The following RASA1 variants were observed in gnomAD, a reference collection of about 807,000 sequenced individuals.
The protein encoded by RASA1 is RAS p21 protein activator 1.
Under a neutral mutation model 132.2 loss-of-function variants are expected in RASA1, and 25 were observed. The ratio of observed to expected loss-of-function variants is 0.19; its 90% CI spans 0.14 to 0.26. RASA1 has a LOEUF of 0.26. RASA1 is among the 10% of genes least tolerant of loss of function. The pLI, the probability that RASA1 is intolerant of heterozygous loss-of-function variation, is 1.00. For synonymous variants in RASA1, 477 were observed against 449.9 expected, an observed-to-expected ratio of 1.06 and a Z score of -0.76; for missense variants, 964 against 1,299.2, an observed-to-expected ratio of 0.74 and a Z score of 3.97.
intron 8 of RASA1, among the ~76,000 whole-genome samples, chr5:87,351,452 T>C (rs529770234): frequency 2.8e-4 from 43 of 151,852 alleles, no homozygotes; most frequent in African/African-American, 1.0e-3. Context: ...TGGCTAGACC[T>C]TGAGGAGACA....
chr5:87,268,585 C>G lies in RASA1; in HGVS notation c.134C>G (p.Ala45Gly). 1 of 1,609,682 alleles carries G rather than the reference C, an allele frequency of 6.2e-7. No homozygotes were observed. The highest frequency in any genetic ancestry group is 8.5e-7 in the Non-Finnish European group (1 of 1,178,678). The stretch of plus-strand genomic sequence containing the variant: ...AAGATACCCGCGGCCCTGCCTGTGG[C>G]AGCCGCCCCCTATCCTGGGCTGGTG... ...RVKIPAALPV[A>G]AAPYPGLVET... The change falls in exon 1 of 25, where the codon GCA becomes GGA. Residue 45 changes from alanine (A) to glycine (G), a missense_variant. Ala to Gly is a moderately conservative substitution (Grantham distance 60). Coordinates refer to ENST00000274376, the MANE Select transcript of RASA1 (RefSeq NM_002890.3).
intron 1 of RASA1, among the ~76,000 whole-genome samples, chr5:87,326,865 A>G (rs1280281479): frequency 6.6e-6 from 1 of 152,216 alleles, no homozygotes; most frequent in African/African-American, 2.4e-5. Context: ...TTAATGCCTT[A>G]GTAGAAAAAA....
Position 87,377,075 on chromosome 5 carries a change from C to A in RASA1, c.2344+35C>A, listed in dbSNP as rs369924885. Reference sequence around the variant, plus strand: ...GGCCATGTTAGTGTGATACAAGAAACTGGGTTTAGATTTTATATCAAGGAT... The same window carrying A: ...GGCCATGTTAGTGTGATACAAGAAAATGGGTTTAGATTTTATATCAAGGAT... On this transcript the variant is annotated intron_variant, in intron 17 of 24. Transcript: ENST00000274376. The A allele has an allele frequency of 2.3e-5, 37 of 1,590,262 alleles. No individual in the cohort carries two copies. The African/African-American group carries it at 4.6e-4, about 20-fold the overall frequency.
rs145638178 is a variant in RASA1 at position 87,374,132 on chromosome 5, A to AAT, written c.1777-16_1777-15dup. 2.1e-3 allele frequency: 2,533 copies of AAT among 1,210,332 alleles called. 13 individuals carry two copies. The African/African-American group carries it at 0.024, about 12-fold the overall frequency. 75.0% of individuals were successfully genotyped at this position (1,210,332 alleles called of 1,614,324 possible). A position where few individuals can be genotyped will look rare whatever the true frequency, so the allele number is the denominator to read the frequency against. On this transcript the variant is annotated intron_variant, in intron 13 of 24. Transcript: ENST00000274376. ...TAGTGCAATTCTAGAAATCTGGGGTAATATATATATATATATTTTTTTTTT... is the reference window on the plus strand; with the variant it reads ...TAGTGCAATTCTAGAAATCTGGGGTAATATATATATATATATATTTTTTTTTT...
chr5:87,372,166 C>T lies in RASA1; in HGVS notation c.1747C>T (p.Pro583Ser). 2 of 1,613,606 alleles carry T rather than the reference C, an allele frequency of 1.2e-6. No homozygotes were observed. Among genetic ancestry groups the T allele is most frequent in the Non-Finnish European group, 1.7e-6 (2 of 1,179,704 alleles). ...ATTTTGCAATTTACGGAAAAGTAGT[C>T]CAGGGACATCCAATAAACGCCTTCG... ...QAFCNLRKSS[P>S]GTSNKRLRQV... Residue 583 changes from proline (P) to serine (S), a missense_variant, in exon 13 of 25, where the codon CCA (proline) becomes TCA (serine). Around this residue, in one of 6 missense-constraint regions of RASA1, gnomAD observed 346 missense variants for 520.1 expected, o/e 0.67. Coordinates refer to ENST00000274376, the MANE Select transcript of RASA1 (RefSeq NM_002890.3).
intron 8 of RASA1, among the ~76,000 whole-genome samples, chr5:87,351,045 G>A (rs1413414235): frequency 1.3e-5 from 2 of 151,498 alleles, no homozygotes; most frequent in Non-Finnish European, 3.0e-5. Context: ...CAATAAATCT[G>A]TCGAACACAG....
chr5:87,357,566 G>A (rs1425449230), intron 9 of RASA1, among the ~76,000 whole-genome samples: 1 of 152,126 alleles, frequency 6.6e-6, no homozygotes, highest in Non-Finnish European at 1.5e-5. Context: ...TTAGCTGGGT[G>A]TGGTGACATG....
At position 87,389,429 on chromosome 5, in the gene RASA1, A is replaced by G; in HGVS notation, c.2962A>G (p.Arg988Gly). The G allele has an allele frequency of 6.2e-7, 1 of 1,614,190 alleles. No homozygotes were observed. Among genetic ancestry groups the G allele is most frequent in the Non-Finnish European group, 8.5e-7 (1 of 1,179,982 alleles). ...PELPDTTEHS[R>G]TDLSRDLAAL... ...ACTTCCGGACACTACAGAGCATTCT[A>G]GAACGGACCTGTCCCGTGATTTAGC... The change falls in exon 24 of 25, where the codon AGA becomes GGA. Residue 988 changes from arginine to glycine, a missense_variant. Arg to Gly is a moderately radical substitution (Grantham distance 125). Transcript: ENST00000274376.
At chr5:87,322,848 G>A (rs2112341134) in intron 1 of RASA1, among the ~76,000 whole-genome samples, 1 of 152,158 alleles carries the variant, frequency 6.6e-6, no homozygotes, top group East Asian at 1.9e-4. Context: ...AGGAATCAAA[G>A]TTGCTTTTGA....
rs886716535 is a variant in RASA1 at position 87,302,586 on chromosome 5, C to CTATAGTATACTATACTGTATAG, written c.540-28745_540-28724dup. Among the ~76,000 whole-genome samples the CTATAGTATACTATACTGTATAG allele has an allele frequency of 4.0e-5, 6 of 149,886 alleles. No individual in the cohort carries two copies. In the East Asian group the frequency reaches 9.7e-4, roughly 24 times the overall value. On this transcript the variant is annotated intron_variant, in intron 1 of 24. Coordinates refer to ENST00000274376, the MANE Select transcript of RASA1 (RefSeq NM_002890.3). ...CACATAAAGCATAGTATTCTATATA[C>CTATAGTATACTATACTGTATAG]TATAGTATACTATACTGTATAGTAT...
chr5:87,283,300 A>G (rs1754404399), intron 1 of RASA1, among the ~76,000 whole-genome samples: 1 of 151,902 alleles, frequency 6.6e-6, no homozygotes, highest in Non-Finnish European at 1.5e-5. Flanking sequence ...TAGCTGATTG[A>G]AAATTAAAAA....
intron 1 of RASA1, among the ~76,000 whole-genome samples, chr5:87,273,371 T>C (rs886219500): frequency 6.6e-6 from 1 of 152,216 alleles, no homozygotes; most frequent in African/African-American, 2.4e-5. Flanking sequence ...AAAGTTTCTA[T>C]ATCTAAAACT....
At chr5:87,374,990 TTAAAA>T (rs974000615) in intron 15 of RASA1, 74 bp downstream of exon 15, 102 of 1,518,522 alleles carry the variant, frequency 6.7e-5, no homozygotes, top group African/African-American at 1.7e-4. Context: ...AATGAAAGTC[TTAAAA>T]TAGAAATTAA....
At chr5:87,296,615 A>C (rs1755130435) in intron 1 of RASA1, among the ~76,000 whole-genome samples, 1 of 122,518 alleles carries the variant, frequency 8.2e-6, no homozygotes, top group Non-Finnish European at 1.8e-5. Flanking sequence ...TTCTCTCAAC[A>C]CTTTAGTTTA....
At chr5:87,306,104 A>G (rs1755596862) in intron 1 of RASA1, among the ~76,000 whole-genome samples, 1 of 152,210 alleles carries the variant, frequency 6.6e-6, no homozygotes, top group South Asian at 2.1e-4. Context: ...CAACCCATAA[A>G]TCTCATTAGT....
intron 4 of RASA1, 53 bp downstream of exon 4, chr5:87,333,390 A>C: frequency 6.2e-7 from 1 of 1,604,008 alleles, no homozygotes; most frequent in Non-Finnish European, 8.5e-7. Flanking sequence ...TAGACTTCGA[A>C]GATTTATTAC....
rs143050678 is a variant in RASA1, at chr5:87,315,632, T to C, written c.540-15716T>C. Among the ~76,000 whole-genome samples, 107 of 152,312 alleles carry C rather than the reference T, an allele frequency of 7.0e-4. 3 individuals are homozygous for C. The East Asian group carries it at 0.017, about 24-fold the overall frequency. The stretch of plus-strand genomic sequence containing the variant: ...AGACCCTCTCAACCTAGAGTAAATA[T>C]AGAATACTATTTAATAATCTCATAT... On this transcript the variant is annotated intron_variant, in intron 1 of 24. Coordinates refer to ENST00000274376, the MANE Select transcript of RASA1 (RefSeq NM_002890.3).
At chr5:87,296,168 A>G (rs1273335547) in intron 1 of RASA1, among the ~76,000 whole-genome samples, 4 of 151,828 alleles carry the variant, frequency 2.6e-5, no homozygotes, top group Admixed American at 6.6e-5. Context: ...GGAGCTTGCA[A>G]TATACATTTA....
At chr5:87,284,391 A>G (rs952777814) in intron 1 of RASA1, among the ~76,000 whole-genome samples, 2 of 152,208 alleles carry the variant, frequency 1.3e-5, no homozygotes, top group Non-Finnish European at 2.9e-5. Context: ...GTTCACTCAC[A>G]TCAGTTGGGT....
Sources: gnomAD v4.1 joint callset for allele counts (sites outside exome capture counted in the v4.1 genomes callset) on GRCh38, gnomAD v4.1.1 for gene constraint, gnomAD v4.1.1 regional missense constraint, MANE v1.5 for transcripts, NCBI Gene and HGNC (gene_info 2026-07-23, HGNC 2026-07-21) for gene names.